Variants in DIAPH2 observed in about 807,000 individuals in gnomAD.
DIAPH2 encodes the protein protein diaphanous homolog 2.
Under a neutral mutation model 92.7 loss-of-function variants are expected in DIAPH2, and 35 were observed. That is an observed-to-expected ratio of 0.38 (90% CI 0.29 to 0.50). DIAPH2 has a LOEUF of 0.50. Ranked by LOEUF, DIAPH2 falls within the 20% of genes least tolerant of loss-of-function variation. The pLI is 0.94. For synonymous variants in DIAPH2, 301 were observed against 280.4 expected, an observed-to-expected ratio of 1.07 and a Z score of -0.73; for missense variants, 701 against 819.5, an observed-to-expected ratio of 0.86 and a Z score of 1.77.
At chrX:97,185,443 A>G (rs1417573437) in intron 22 of DIAPH2, among the ~76,000 whole-genome samples, 7 of 59,864 alleles carry the variant, frequency 1.2e-4, no homozygotes, top group African/African-American at 6.1e-4. Flanking sequence ...ATGTGTATAT[A>G]TATATGTGTG....
At chrX:96,708,757 A>G (rs985982783) in intron 1 of DIAPH2, among the ~76,000 whole-genome samples, 1 of 112,969 alleles carries the variant, frequency 8.9e-6, no homozygotes, top group Non-Finnish European at 1.9e-5. Context: ...CTGGCAGTGC[A>G]GTAGAATGTT....
chrX:97,334,491 C>T (rs1392622428), intron 23 of DIAPH2, among the ~76,000 whole-genome samples: 33 of 42,496 alleles, frequency 7.8e-4, no homozygotes, highest in African/African-American at 2.7e-3. Context: ...AAAAACAATT[C>T]TAGATACATT....
chrX:96,713,029 A>G lies in DIAPH2; in HGVS notation c.133-22729A>G, dbSNP rs144131873. On this transcript the variant is annotated intron_variant, in intron 1 of 26. Transcript: ENST00000324765. ...CTTGGAATTGGTCTGGCTATCTACT[A>G]TGAAGAGTGGTATGGTGTATGTGCA... 7.2e-5 allele frequency among the ~76,000 whole-genome samples: 8 copies of G among 110,897 alleles called. No homozygotes were observed. In the East Asian group the frequency reaches 2.0e-3, roughly 28 times the overall value.
intron 5 of DIAPH2, among the ~76,000 whole-genome samples, chrX:96,895,878 G>T (rs1377232768): frequency 8.9e-6 from 1 of 112,226 alleles, no homozygotes; most frequent in East Asian, 2.8e-4. Context: ...TGTCTTTCAT[G>T]TTGAGTATGG....
At chrX:97,460,109 A>C (rs1227488218) in intron 26 of DIAPH2, among the ~76,000 whole-genome samples, 1 of 111,475 alleles carries the variant, frequency 9.0e-6, no homozygotes, top group Non-Finnish European at 1.9e-5. Flanking sequence ...GTGAACAAGC[A>C]GGGTTTTATT....
intron 4 of DIAPH2, among the ~76,000 whole-genome samples, chrX:96,869,557 C>CTACTACT (rs2065125608): frequency 1.0e-5 from 1 of 97,922 alleles, no homozygotes; most frequent in Admixed American, 1.2e-4. Context: ...CTACTACTAC[C>CTACTACT]ACTACTACTA....
chrX:97,155,657 T>C (rs776839717), intron 22 of DIAPH2, among the ~76,000 whole-genome samples: 30 of 111,958 alleles, frequency 2.7e-4, no homozygotes, highest in African/African-American at 8.8e-4. Context: ...CTACAATAAC[T>C]TGTAGTCAGA....
At chrX:96,811,338 A>G (rs1191592715) in intron 4 of DIAPH2, among the ~76,000 whole-genome samples, 1 of 111,448 alleles carries the variant, frequency 9.0e-6, no homozygotes, top group East Asian at 2.8e-4. Flanking sequence ...TGGTATATAG[A>G]AATGCTTGTG....
chrX:97,352,739 A>G (rs1977369), intron 24 of DIAPH2, among the ~76,000 whole-genome samples: 46,936 of 104,390 alleles, frequency 0.45, 9,613 homozygotes, highest in Non-Finnish European at 0.6. Context: ...GCATGGTGGC[A>G]GGTGCCTGTA....
intron 4 of DIAPH2, among the ~76,000 whole-genome samples, chrX:96,784,961 C>A (rs1343334167): frequency 1.8e-5 from 2 of 112,088 alleles, no homozygotes; most frequent in African/African-American, 6.5e-5. Context: ...TGGAGTCTGT[C>A]TGCCCAGGTC....
chrX:97,547,387 G>A (rs1024817413), intron 26 of DIAPH2, among the ~76,000 whole-genome samples: 4 of 112,031 alleles, frequency 3.6e-5, no homozygotes, highest in African/African-American at 1.3e-4. Flanking sequence ...AGCAAGAGAA[G>A]TACAAATGTC....
At chrX:97,355,734 G>T (rs2069260163) in intron 24 of DIAPH2, among the ~76,000 whole-genome samples, 1 of 111,007 alleles carries the variant, frequency 9.0e-6, no homozygotes, top group South Asian at 3.8e-4. Flanking sequence ...AAATATCCCA[G>T]TTATCTCCTC....
At chrX:96,898,281 G>C (rs1263431132) in intron 5 of DIAPH2, among the ~76,000 whole-genome samples, 4 of 102,553 alleles carry the variant, frequency 3.9e-5, no homozygotes, top group Admixed American at 3.2e-4. Context: ...TCTAGTTCTA[G>C]ATCCCTGAGG....
At chrX:97,448,103 ATTTGAAT>A (rs1345992891) in intron 26 of DIAPH2, among the ~76,000 whole-genome samples, 1 of 112,164 alleles carries the variant, frequency 8.9e-6, no homozygotes, top group East Asian at 2.8e-4. Context: ...TTGACATCTA[ATTTGAAT>A]CTTTTGTGCT....
rs1479018620 is a variant in DIAPH2, at chrX:97,185,298, A to G, written c.2719+43504A>G. On this transcript the variant is annotated intron_variant, in intron 22 of 26. Transcript: ENST00000324765. ...AGACAGAGTGAGACCCTGTCTCAAA[A>G]AAAAAAAAATATATATATATATATA... is the stretch of plus-strand genomic sequence containing the variant. Among the ~76,000 whole-genome samples the G allele has an allele frequency of 2.8e-3, 121 of 43,995 alleles. 7 individuals are homozygous for G. Among genetic ancestry groups the G allele is most frequent in the South Asian group, 5.1e-3 (3 of 586 alleles). The allele number at this position is 43,995 out of a possible 115,157, so 38.2% of individuals were successfully genotyped here. A position where few individuals can be genotyped will look rare whatever the true frequency, so the allele number is the denominator to read the frequency against.
intron 24 of DIAPH2, among the ~76,000 whole-genome samples, chrX:97,358,466 C>G (rs1183512216): frequency 9.1e-6 from 1 of 110,404 alleles, no homozygotes; most frequent in Non-Finnish European, 1.9e-5. Flanking sequence ...ATTGAGAAAC[C>G]CTGTTTCAGG....
At chrX:96,882,609 AT>A (rs1268262814) in intron 5 of DIAPH2, among the ~76,000 whole-genome samples, 1 of 110,904 alleles carries the variant, frequency 9.0e-6, no homozygotes, top group Non-Finnish European at 1.9e-5. Flanking sequence ...CTTTAAATCA[AT>A]AACACCCAAA....
intron 2 of DIAPH2, among the ~76,000 whole-genome samples, chrX:96,737,390 A>G (rs1311629802): frequency 8.9e-6 from 1 of 112,278 alleles, no homozygotes; most frequent in Non-Finnish European, 1.9e-5. Flanking sequence ...ATAATTTTAC[A>G]TAAGCTATGG....
intron 23 of DIAPH2, among the ~76,000 whole-genome samples, chrX:97,344,912 G>T (rs1181416948): frequency 8.9e-6 from 1 of 111,921 alleles, no homozygotes; most frequent in Non-Finnish European, 1.9e-5. Context: ...TTAGTAATTT[G>T]CATTGCAAAT....
Sources: gnomAD v4.1 joint callset for allele counts (sites outside exome capture counted in the v4.1 genomes callset) on GRCh38, gnomAD v4.1.1 for gene constraint, MANE v1.5 for transcripts, NCBI Gene and HGNC (gene_info 2026-07-23, HGNC 2026-07-21) for gene names.